HS3ST4: variants seen among roughly 807,000 people sequenced by gnomAD.
HS3ST4 encodes the protein heparan sulfate-glucosamine 3-sulfotransferase 4.
HS3ST4 carries 17 observed loss-of-function variants against 29.2 expected under a neutral mutation model. The ratio of observed to expected loss-of-function variants is 0.58; its 90% confidence interval spans 0.40 to 0.87. The LOEUF (loss-of-function observed/expected upper bound fraction) is 0.87, where lower values mean the gene tolerates loss of function less well. HS3ST4 is among the 40% of genes least tolerant of loss of function. The pLI is 0.00. For missense variants in HS3ST4, 627 were observed against 634.5 expected (o/e 0.99, Z 0.13); for synonymous variants, 314 against 285.7 (o/e 1.10, Z -1.00).
intron 1 of HS3ST4, 29 bp from the exon 2 acceptor site, chr16:26,135,583 A>T (rs757513156): frequency 1.3e-6 from 2 of 1,552,064 alleles, no homozygotes; most frequent in East Asian, 4.5e-5. Context: ...AGGAATAACC[A>T]TTCTCTTCCT....
chr16:25,948,853 G>A (rs1041103880), intron 1 of HS3ST4, among the ~76,000 whole-genome samples: 12 of 152,128 alleles, frequency 7.9e-5, no homozygotes, highest in South Asian at 2.1e-4. Flanking sequence ...CAGCAATGCC[G>A]TTGTTAAGCA....
At chr16:26,046,795 C>A (rs972574137) in intron 1 of HS3ST4, among the ~76,000 whole-genome samples, 3 of 152,024 alleles carry the variant, frequency 2.0e-5, no homozygotes, top group Non-Finnish European at 4.4e-5. Context: ...GTTCCAAAGC[C>A]TTTTACATTC....
chr16:25,706,718 T>C (rs1026444938), intron 1 of HS3ST4, among the ~76,000 whole-genome samples: 1 of 152,080 alleles, frequency 6.6e-6, no homozygotes, highest in Non-Finnish European at 1.5e-5. Context: ...AACCTGCAAA[T>C]ATGTTAGATT....
chr16:25,702,161 AG>A (rs34831787), intron 1 of HS3ST4, among the ~76,000 whole-genome samples: 6 of 152,292 alleles, frequency 3.9e-5, no homozygotes, highest in African/African-American at 7.2e-5. Flanking sequence ...AAAAGGAGAA[AG>A]GGGGGAGGTA....
chr16:25,820,029 A>C (rs1459017216), intron 1 of HS3ST4, among the ~76,000 whole-genome samples: 8 of 106,212 alleles, frequency 7.5e-5, no homozygotes, highest in South Asian at 2.7e-4. Context: ...AAAAAAAAAA[A>C]AAAAAAAAAA....
At chr16:26,095,540 T>C (rs7500282) in intron 1 of HS3ST4, among the ~76,000 whole-genome samples, 82,091 of 151,848 alleles carry the variant, frequency 0.54, 22,917 homozygotes, top group African/African-American at 0.67. Flanking sequence ...GCAATGAAGG[T>C]GGAAATAAAG....
At chr16:25,971,797 C>T (rs1394256305) in intron 1 of HS3ST4, among the ~76,000 whole-genome samples, 1 of 151,846 alleles carries the variant, frequency 6.6e-6, no homozygotes, top group African/African-American at 2.4e-5. Context: ...TAGTGGCAGG[C>T]CAGTGGGCCT....
At chr16:25,694,587 T>C (rs956053123) in intron 1 of HS3ST4, among the ~76,000 whole-genome samples, 1 of 152,134 alleles carries the variant, frequency 6.6e-6, no homozygotes, top group Non-Finnish European at 1.5e-5. Flanking sequence ...ATTTATAACA[T>C]CAGAAGCCAT....
At chr16:25,873,962 C>T (rs1967800256) in intron 1 of HS3ST4, among the ~76,000 whole-genome samples, 1 of 152,110 alleles carries the variant, frequency 6.6e-6, no homozygotes, top group East Asian at 1.9e-4. Flanking sequence ...GTAGCCAGCC[C>T]AAGTGAAGCA....
chr16:25,901,736 G>A (rs1222162010), intron 1 of HS3ST4, among the ~76,000 whole-genome samples: 2 of 152,144 alleles, frequency 1.3e-5, no homozygotes, highest in Non-Finnish European at 2.9e-5. Flanking sequence ...CAGAAGAGCT[G>A]TTTCAGCCCC....
chr16:25,995,652 T>C (rs908420246), intron 1 of HS3ST4, among the ~76,000 whole-genome samples: 7 of 152,080 alleles, frequency 4.6e-5, no homozygotes, highest in African/African-American at 9.7e-5. Context: ...GGTGGAGTGG[T>C]TTCCCAAGAT....
intron 1 of HS3ST4, among the ~76,000 whole-genome samples, chr16:25,914,369 T>C (rs1319849947): frequency 1.3e-5 from 2 of 151,354 alleles, no homozygotes; most frequent in East Asian, 3.9e-4. Flanking sequence ...TTTATGGGGC[T>C]GGATGTGATG....
intron 1 of HS3ST4, among the ~76,000 whole-genome samples, chr16:25,745,051 A>G (rs541888151): frequency 2.1e-4 from 32 of 152,100 alleles, no homozygotes; most frequent in Non-Finnish European, 4.1e-4. Context: ...TCTTAAGGGA[A>G]TTTTCATGAA....
At chr16:25,705,322 G>A (rs1050539454) in intron 1 of HS3ST4, among the ~76,000 whole-genome samples, 3 of 152,156 alleles carry the variant, frequency 2.0e-5, no homozygotes, top group Non-Finnish European at 4.4e-5. Flanking sequence ...AACTACGTGG[G>A]CACCTCTGTC....
chr16:25,939,766 A>C (rs79098725), intron 1 of HS3ST4, among the ~76,000 whole-genome samples: 1 of 152,258 alleles, frequency 6.6e-6, no homozygotes, highest in East Asian at 1.9e-4. Flanking sequence ...GTGCCATTTT[A>C]AAACGTGTTC....
intron 1 of HS3ST4, among the ~76,000 whole-genome samples, chr16:25,750,656 G>A (rs1966712960): frequency 6.6e-6 from 1 of 152,134 alleles, no homozygotes; most frequent in Admixed American, 6.5e-5. Flanking sequence ...GAAGCTATTT[G>A]CATTCACACT....
intron 1 of HS3ST4, among the ~76,000 whole-genome samples, chr16:25,816,249 GTACCTCCATTCTGGGCTACCTT>G (rs145294439): frequency 0.018 from 2,685 of 152,186 alleles, 89 homozygotes; most frequent in African/African-American, 0.061. Flanking sequence ...AGCATACCTT[GTACCTCCATTCTGGGCTACCTT>G]TAGGGACTGT....
At chr16:26,018,320 A>G (rs1969379871) in intron 1 of HS3ST4, among the ~76,000 whole-genome samples, 1 of 152,218 alleles carries the variant, frequency 6.6e-6, no homozygotes, top group Non-Finnish European at 1.5e-5. Context: ...GTCAACAGGA[A>G]GGGGAGTTGT....
intron 1 of HS3ST4, among the ~76,000 whole-genome samples, chr16:25,778,285 G>A (rs74926856): frequency 0.03 from 4,629 of 152,262 alleles, 237 homozygotes; most frequent in African/African-American, 0.11. Context: ...CCATGGTTGA[G>A]GGCCTTAGCT....
Sources: gnomAD v4.1 joint callset for allele counts (sites outside exome capture counted in the v4.1 genomes callset) on GRCh38, gnomAD v4.1.1 for gene constraint, MANE v1.5 for transcripts, NCBI Gene and HGNC (gene_info 2026-07-23, HGNC 2026-07-21) for gene names.